The following IGSF3 variants were observed in gnomAD, a reference collection of about 807,000 sequenced individuals.
IGSF3 encodes the protein immunoglobulin superfamily member 3, also known as glu-Trp-Ile EWI motif-containing protein 3.
IGSF3 carries 23 observed loss-of-function variants against 114.4 expected under a neutral mutation model. That is an observed-to-expected ratio of 0.20 (90% CI 0.14 to 0.28). The LOEUF (loss-of-function observed/expected upper bound fraction) is 0.28, where lower values mean the gene tolerates loss of function less well. IGSF3 is among the 10% of genes least tolerant of loss of function. IGSF3 has a pLI of 1.00. For missense variants in IGSF3, 1,172 were observed against 1,591.5 expected (o/e 0.74, Z 4.48); for synonymous variants, 571 against 645.2 (o/e 0.88, Z 1.74).
At position 116,603,659 on chromosome 1, in the gene IGSF3, C is replaced by T. The variant is rs551475395; in HGVS notation, c.1589G>A (p.Arg530His). Reference sequence around the variant, plus strand: ...GATGGAGATGGGAGTGCTGGCCCGGCGCTCCCCAACAATCTGCCACTCGCC... The same window carrying T: ...GATGGAGATGGGAGTGCTGGCCCGGTGCTCCCCAACAATCTGCCACTCGCC... ...VDGEWQIVGE[R>H]RASTPISITA... The change falls in exon 6 of 11, where the codon CGC becomes CAC. Residue 530 changes from arginine (R) to histidine (H), a missense_variant. Coordinates refer to ENST00000369486, the MANE Select transcript of IGSF3 (RefSeq NM_001007237.3). The surrounding 1 kb of genome is among the most constrained non-coding windows in gnomAD (Gnocchi z 7.1). The T allele has an allele frequency of 8.7e-6, 14 of 1,613,802 alleles. No individual in the cohort carries two copies. The highest frequency in any genetic ancestry group is 2.7e-5 in the African/African-American group (2 of 75,022).
rs1161287743 is a variant in IGSF3 at position 116,620,894 on chromosome 1, C to G, written c.44-4437G>C. 3.3e-5 allele frequency among the ~76,000 whole-genome samples: 5 copies of G among 152,184 alleles called. 1 individual carries two copies. Among genetic ancestry groups the G allele is most frequent in the African/African-American group, 1.2e-4 (5 of 41,442 alleles). On this transcript the variant is annotated intron_variant, in intron 2 of 10. Transcript: ENST00000369486. ...TATCTGGGACCACCAGCACACACCA[C>G]CATGCCTGGCTAAATTTTTTATTTC...
At position 116,666,423 on chromosome 1, in the gene IGSF3, G is replaced by C; in HGVS notation, c.-97C>G. 5 of 1,150,954 alleles carry C rather than the reference G, an allele frequency of 4.3e-6. No individual in the cohort carries two copies. The highest frequency in any genetic ancestry group is 5.3e-6 in the Non-Finnish European group (4 of 761,664). 71.3% of individuals were successfully genotyped at this position (1,150,954 alleles called of 1,614,324 possible). A position where few individuals can be genotyped will look rare whatever the true frequency, so the allele number is the denominator to read the frequency against. On this transcript the variant is annotated 5_prime_UTR_variant, in exon 2 of 11. Coordinates refer to ENST00000369486, the MANE Select transcript of IGSF3 (RefSeq NM_001007237.3). ...AATCCACTTATAGCTCCAGAGAACA[G>C]TTTTGGAAATAGAACTTAACTCGGA...
intron 2 of IGSF3, among the ~76,000 whole-genome samples, chr1:116,656,369 C>T (rs1488203015): frequency 7.0e-4 from 96 of 136,998 alleles, no homozygotes; most frequent in Non-Finnish European, 1.4e-3. Context: ...GGCGCAATCT[C>T]GGCTCACTGC....
chr1:116,589,886 C>A lies in IGSF3; in HGVS notation c.2030-782G>T, dbSNP rs1660024336. On this transcript the variant is annotated intron_variant, in intron 7 of 10. Coordinates refer to ENST00000369486, the MANE Select transcript of IGSF3 (RefSeq NM_001007237.3). The surrounding 1 kb of genome is among the most constrained non-coding windows in gnomAD (Gnocchi z 5.7). ...CCTGAAGAGTAAGCCGGAGTCCCAG[C>A]CCTCATGGGGTGGACTGCCTAGCGG... Among the ~76,000 whole-genome samples, 1 of 152,194 alleles carries A rather than the reference C, an allele frequency of 6.6e-6. No individual in the cohort carries two copies. The highest frequency in any genetic ancestry group is 1.5e-5 in the Non-Finnish European group (1 of 68,040).
chr1:116,619,268 G>C (rs949576426), intron 2 of IGSF3, among the ~76,000 whole-genome samples: 1 of 152,248 alleles, frequency 6.6e-6, no homozygotes, highest in South Asian at 2.1e-4. Flanking sequence ...AGGCAATAAC[G>C]AGTTTAACCA....
In IGSF3 at chr1:116,589,924, C is replaced by T. The variant is rs1432674743; in HGVS notation, c.2030-820G>A. On this transcript the variant is annotated intron_variant, in intron 7 of 10. Transcript: ENST00000369486. This position sits in a 1 kb window ranked among gnomAD's most constrained non-coding sequence, Gnocchi z 5.7. ...GACTGCCTAGCGGACATTCTTATCGCTGCACCCCCAGAGCCTAGCACAGCA... is the reference window on the plus strand; with the variant it reads ...GACTGCCTAGCGGACATTCTTATCGTTGCACCCCCAGAGCCTAGCACAGCA... 6.6e-6 allele frequency among the ~76,000 whole-genome samples: 1 copy of T among 152,194 alleles called. No individual in the cohort carries two copies. The highest frequency in any genetic ancestry group is 2.4e-5 in the African/African-American group (1 of 41,440).
rs1473668875 is a variant in IGSF3, at chr1:116,614,833, A to T, written c.422-658T>A. Among the ~76,000 whole-genome samples, 1 of 152,138 alleles carries T rather than the reference A, an allele frequency of 6.6e-6. No individual in the cohort carries two copies. The highest frequency in any genetic ancestry group is 1.5e-5 in the Non-Finnish European group (1 of 68,022). On this transcript the variant is annotated intron_variant, in intron 3 of 10. Coordinates refer to ENST00000369486, the MANE Select transcript of IGSF3 (RefSeq NM_001007237.3). The surrounding 1 kb of genome is among the most constrained non-coding windows in gnomAD (Gnocchi z 4.5). ...GGCAAGAGAAGAGATTTTCTCCGTG[A>T]TCCCTTGGTCAGAATCATACCCTGA... is the stretch of plus-strand genomic sequence containing the variant.
Position 116,583,000 on chromosome 1 carries a change from C to T in IGSF3, c.2848+1645G>A, listed in dbSNP as rs1044596618. ...GAACAGGAGGCAGACACAAGGCTAA[C>T]GGTTCAGGTCCATGTTGGAAGCACA... is the stretch of plus-strand genomic sequence containing the variant. On this transcript the variant is annotated intron_variant, in intron 9 of 10. Coordinates refer to ENST00000369486, the MANE Select transcript of IGSF3 (RefSeq NM_001007237.3). This position sits in a 1 kb window ranked among gnomAD's most constrained non-coding sequence, Gnocchi z 4.7. Among the ~76,000 whole-genome samples the T allele has an allele frequency of 3.9e-5, 6 of 152,302 alleles. No individual in the cohort carries two copies. The highest frequency in any genetic ancestry group is 2.1e-4 in the South Asian group (1 of 4,820).
At chr1:116,581,973 A>G (rs1659620678) in intron 9 of IGSF3, among the ~76,000 whole-genome samples, 1 of 152,118 alleles carries the variant, frequency 6.6e-6, no homozygotes, top group African/African-American at 2.4e-5. Context: ...GTGCAGTGGA[A>G]CTTATCATGG....
In IGSF3 at chr1:116,654,297, A is replaced by G. The variant is rs1270693922; in HGVS notation, c.43+11987T>C. ...CTTTGGCACCTTGGCAATTTCCACC[A>G]GGCAGAATTTACAACCGTCTGGGAC... On this transcript the variant is annotated intron_variant, in intron 2 of 10. Coordinates refer to ENST00000369486, the MANE Select transcript of IGSF3 (RefSeq NM_001007237.3). The surrounding 1 kb of genome is among the most constrained non-coding windows in gnomAD (Gnocchi z 4.4). Among the ~76,000 whole-genome samples, 1 of 152,214 alleles carries G rather than the reference A, an allele frequency of 6.6e-6. No individual in the cohort carries two copies. Among genetic ancestry groups the G allele is most frequent in the African/African-American group, 2.4e-5 (1 of 41,456 alleles).
Position 116,636,193 on chromosome 1 carries a change from T to C in IGSF3, c.44-19736A>G, listed in dbSNP as rs1169795805. Among the ~76,000 whole-genome samples, 2 of 152,220 alleles carry C rather than the reference T, an allele frequency of 1.3e-5. No individual in the cohort carries two copies. Among genetic ancestry groups the C allele is most frequent in the East Asian group, 1.9e-4 (1 of 5,192 alleles). ...TCCACAATCACCTTCCCAAGAAGAATTCCCCATACCGAGTCTACCATTCCT... is the reference window on the plus strand; with the variant it reads ...TCCACAATCACCTTCCCAAGAAGAACTCCCCATACCGAGTCTACCATTCCT... On this transcript the variant is annotated intron_variant, in intron 2 of 10. Transcript: ENST00000369486. The surrounding 1 kb of genome is among the most constrained non-coding windows in gnomAD (Gnocchi z 4.5).
rs943867459 is a variant in IGSF3 at position 116,651,241 on chromosome 1, A to G, written c.43+15043T>C. 2.6e-5 allele frequency among the ~76,000 whole-genome samples: 4 copies of G among 152,236 alleles called. No homozygotes were observed. Among genetic ancestry groups the G allele is most frequent in the Non-Finnish European group, 4.4e-5 (3 of 68,034 alleles). ...GGAAGGCTTCTTTGGCTATGCCAGT[A>G]TCTCTTTCCTGCCTCTTTCTTCTTC... is the stretch of plus-strand genomic sequence containing the variant. On this transcript the variant is annotated intron_variant, in intron 2 of 10. Coordinates refer to ENST00000369486, the MANE Select transcript of IGSF3 (RefSeq NM_001007237.3). This position sits in a 1 kb window ranked among gnomAD's most constrained non-coding sequence, Gnocchi z 4.4.
intron 2 of IGSF3, among the ~76,000 whole-genome samples, chr1:116,630,170 AG>A (rs1647492180): frequency 1.3e-5 from 2 of 152,222 alleles, no homozygotes; most frequent in Non-Finnish European, 2.9e-5. Flanking sequence ...CTGACAAAGC[AG>A]TGATGGTTCA....
Position 116,625,805 on chromosome 1 carries a change from G to T in IGSF3, c.44-9348C>A, listed in dbSNP as rs1404505828. On this transcript the variant is annotated intron_variant, in intron 2 of 10. Coordinates refer to ENST00000369486, the MANE Select transcript of IGSF3 (RefSeq NM_001007237.3). This position sits in a 1 kb window ranked among gnomAD's most constrained non-coding sequence, Gnocchi z 4.7. The stretch of plus-strand genomic sequence containing the variant: ...AGCTGGTCTAAAGATGATGATTAAT[G>T]AATGTTAAATTATTGATACTACTTC... 6.6e-6 allele frequency among the ~76,000 whole-genome samples: 1 copy of T among 152,196 alleles called. No homozygotes were observed. Among genetic ancestry groups the T allele is most frequent in the Non-Finnish European group, 1.5e-5 (1 of 68,040 alleles).
In IGSF3 at chr1:116,596,040, C is replaced by G. The variant is rs914709492; in HGVS notation, c.2029+3901G>C. Among the ~76,000 whole-genome samples, 6 of 152,216 alleles carry G rather than the reference C, an allele frequency of 3.9e-5. No homozygotes were observed. Among genetic ancestry groups the G allele is most frequent in the African/African-American group, 1.4e-4 (6 of 41,456 alleles). ...ATATGCATATGCAACAGGAAGCACA[C>G]ACAGGGAATGGTCAAATAACAGATC... On this transcript the variant is annotated intron_variant, in intron 7 of 10. Transcript: ENST00000369486. The surrounding 1 kb of genome is among the most constrained non-coding windows in gnomAD (Gnocchi z 4.1).
At position 116,629,216 on chromosome 1, in the gene IGSF3, T is replaced by C. The variant is rs1205846624; in HGVS notation, c.44-12759A>G. Among the ~76,000 whole-genome samples the C allele has an allele frequency of 6.6e-6, 1 of 152,218 alleles. No homozygotes were observed. Among genetic ancestry groups the C allele is most frequent in the African/African-American group, 2.4e-5 (1 of 41,528 alleles). On this transcript the variant is annotated intron_variant, in intron 2 of 10. Transcript: ENST00000369486. This position sits in a 1 kb window ranked among gnomAD's most constrained non-coding sequence, Gnocchi z 4.3. Reference sequence around the variant, plus strand: ...AACAATATTTATGAACACCTAAAAATGCTGAAAGCACACTACTAAGTAAAA... The same window carrying C: ...AACAATATTTATGAACACCTAAAAACGCTGAAAGCACACTACTAAGTAAAA...
chr1:116,648,488 G>A lies in IGSF3; in HGVS notation c.43+17796C>T, dbSNP rs1326899111. Among the ~76,000 whole-genome samples the A allele has an allele frequency of 6.6e-6, 1 of 152,146 alleles. No individual in the cohort carries two copies. The highest frequency in any genetic ancestry group is 1.5e-5 in the Non-Finnish European group (1 of 68,024). On this transcript the variant is annotated intron_variant, in intron 2 of 10. Transcript: ENST00000369486. This position sits in a 1 kb window ranked among gnomAD's most constrained non-coding sequence, Gnocchi z 4.7. ...AGACCCGCCATCTGCACTTTTACCT[G>A]CTGCCTGACGAAAACCAGATGCCAA...
At chr1:116,631,317 CA>C (rs939848949) in intron 2 of IGSF3, among the ~76,000 whole-genome samples, 4,967 of 46,124 alleles carry the variant, frequency 0.11, 195 homozygotes, top group African/African-American at 0.28. Flanking sequence ...GACGCTGTCT[CA>C]AAAAAAAAAA....
chr1:116,579,934 ATAAAC>A lies in IGSF3; in HGVS notation c.2849-62_2849-58del, dbSNP rs1659530352. The stretch of plus-strand genomic sequence containing the variant: ...GGTTGTTTAAATTTATTTGCTCAAA[ATAAAC>A]TAAATGTCCATCATTAAACACATGA... On this transcript the variant is annotated intron_variant, in intron 9 of 10. Coordinates refer to ENST00000369486, the MANE Select transcript of IGSF3 (RefSeq NM_001007237.3). The surrounding 1 kb of genome is among the most constrained non-coding windows in gnomAD (Gnocchi z 6.4). 7.0e-7 allele frequency: 1 copy of A among 1,422,704 alleles called. No individual in the cohort carries two copies. The highest frequency in any genetic ancestry group is 1.3e-5 in the South Asian group (1 of 74,618). 88.1% of individuals were successfully genotyped at this position (1,422,704 alleles called of 1,614,324 possible). A position where few individuals can be genotyped will look rare whatever the true frequency, so the allele number is the denominator to read the frequency against.
Sources: allele counts gnomAD v4.1 joint callset (sites outside exome capture counted in the v4.1 genomes callset), GRCh38; gene constraint gnomAD v4.1.1; non-coding constraint Gnocchi (gnomAD v3.1); transcripts MANE v1.5; gene names NCBI Gene and HGNC (gene_info 2026-07-23, HGNC 2026-07-21).